Variants in HYAL3 observed in about 807,000 individuals in gnomAD.
HYAL3 encodes hyaluronidase 3, also known as hyaluronidase-3.
HYAL3 carries 25 observed loss-of-function variants against 29.6 expected under a neutral mutation model. The ratio of observed to expected loss-of-function variants is 0.85; its 90% CI spans 0.62 to 1.18. The LOEUF is 1.18. Ranked by LOEUF, HYAL3 falls within the 50% of genes most tolerant of loss-of-function variation. The pLI, the probability that HYAL3 is intolerant of heterozygous loss-of-function variation, is 0.00. For missense variants in HYAL3, 442 were observed against 548.4 expected, an observed-to-expected ratio of 0.81 and a Z score of 1.94; for synonymous variants, 215 against 218.3, an observed-to-expected ratio of 0.99 and a Z score of 0.13.
In HYAL3 at chr3:50,293,283, C is replaced by T. The variant is rs782638162; in HGVS notation, c.1217G>A (p.Cys406Tyr). 4 of 1,613,262 alleles carry T rather than the reference C, an allele frequency of 2.5e-6. No individual in the cohort carries two copies. The highest frequency in any genetic ancestry group is 3.4e-6 in the Non-Finnish European group (4 of 1,180,028). The change falls in exon 4 of 4, where the codon TGC (cysteine) becomes TAC (tyrosine). Residue 406 changes from cysteine (C) to tyrosine (Y), a missense_variant. Transcript: ENST00000336307. ...TTTAGGCCCAGGCCTGGGCTCCTGG[C>T]AGGTGGGGCCAGCCCAGCCCCAGTA... ...HCYWGWAGPT[C>Y]QEPRPGPKEA...
At chr3:50,294,238 C>T (rs1271072210) in intron 2 of HYAL3, among the ~76,000 whole-genome samples, 2 of 151,954 alleles carry the variant, frequency 1.3e-5, no homozygotes, top group Admixed American at 6.6e-5. Context: ...AAGTGAAGGC[C>T]GCAGTGAGCT....
In HYAL3 at chr3:50,295,406, T is replaced by TG; in HGVS notation, c.196dup (p.His66ProfsTer37). 1 of 1,614,172 alleles carries TG rather than the reference T, an allele frequency of 6.2e-7. No homozygotes were observed. Among genetic ancestry groups the TG allele is most frequent in the South Asian group, 1.1e-5 (1 of 91,088 alleles). The stretch of plus-strand genomic sequence containing the variant: ...GTAGAAAATGGTCATGTTCTGACCG[T>TG]GAAAATGCTGGCCACGGTTGGCTAT... On this transcript the variant is annotated frameshift_variant, in exon 2 of 4. Transcript: ENST00000336307. LOFTEE classifies it high-confidence loss of function.
Position 50,297,064 on chromosome 3 carries a change from G to A in HYAL3, c.-17-1445C>T. On this transcript the variant is annotated intron_variant, in intron 1 of 3. Coordinates refer to ENST00000336307, the MANE Select transcript of HYAL3 (RefSeq NM_003549.4). The surrounding 1 kb of genome is among the most constrained non-coding windows in gnomAD (Gnocchi z 4.3). Reference sequence around the variant, plus strand: ...ACCACTGTCTCCACTAAGAGGCTCTGGGGCTGGTTCAGCACCCGTGACAGG... The same window carrying A: ...ACCACTGTCTCCACTAAGAGGCTCTAGGGCTGGTTCAGCACCCGTGACAGG... The A allele has an allele frequency of 6.5e-7, 1 of 1,535,882 alleles. No homozygotes were observed. The highest frequency in any genetic ancestry group is 1.3e-5 in the South Asian group (1 of 78,506).
At position 50,297,185 on chromosome 3, in the gene HYAL3, G is replaced by A; in HGVS notation, c.-17-1566C>T. 1 of 1,611,978 alleles carries A rather than the reference G, an allele frequency of 6.2e-7. No homozygotes were observed. Among genetic ancestry groups the A allele is most frequent in the Non-Finnish European group, 8.5e-7 (1 of 1,178,848 alleles). ...GGAAGGCATCTGAGGACTGGCCCAG[G>A]GAGTGCAGGCGGGAGGTGCGGCTGC... On this transcript the variant is annotated intron_variant, in intron 1 of 3. Coordinates refer to ENST00000336307, the MANE Select transcript of HYAL3 (RefSeq NM_003549.4). The surrounding 1 kb of genome is among the most constrained non-coding windows in gnomAD (Gnocchi z 4.3).
At position 50,297,173 on chromosome 3, in the gene HYAL3, G is replaced by A; in HGVS notation, c.-17-1554C>T. On this transcript the variant is annotated intron_variant, in intron 1 of 3. Coordinates refer to ENST00000336307, the MANE Select transcript of HYAL3 (RefSeq NM_003549.4). This position sits in a 1 kb window ranked among gnomAD's most constrained non-coding sequence, Gnocchi z 4.3. Reference sequence around the variant, plus strand: ...TCAGGCAGAGGGGGAAGGCATCTGAGGACTGGCCCAGGGAGTGCAGGCGGG... The same window carrying A: ...TCAGGCAGAGGGGGAAGGCATCTGAAGACTGGCCCAGGGAGTGCAGGCGGG... 1 of 1,608,452 alleles carries A rather than the reference G, an allele frequency of 6.2e-7. No homozygotes were observed. Among genetic ancestry groups the A allele is most frequent in the Non-Finnish European group, 8.5e-7 (1 of 1,176,586 alleles).
Position 50,293,181 on chromosome 3 carries a change from G to T in HYAL3, c.*65C>A, listed in dbSNP as rs1553710272. ...AACTGAATAGAGCAAGAGTGGGACA[G>T]AGTAGTTCCAGGACTGGAAAAGTGG... On this transcript the variant is annotated 3_prime_UTR_variant, in exon 4 of 4. Transcript: ENST00000336307. 5 of 1,600,242 alleles carry T rather than the reference G, an allele frequency of 3.1e-6. No individual in the cohort carries two copies. In the East Asian group the frequency reaches 8.9e-5, roughly 29 times the overall value.
Position 50,293,117 on chromosome 3 carries a change from C to A in HYAL3, c.*129G>T. Reference sequence around the variant, plus strand: ...GGCCCCTTCTACCCCTCAGGGATTCCAAGGGAAGCGGGGTGTGTGCTTGGG... The same window carrying A: ...GGCCCCTTCTACCCCTCAGGGATTCAAAGGGAAGCGGGGTGTGTGCTTGGG... On this transcript the variant is annotated 3_prime_UTR_variant, in exon 4 of 4. Transcript: ENST00000336307. The A allele has an allele frequency of 6.7e-7, 1 of 1,498,744 alleles. No homozygotes were observed. Among genetic ancestry groups the A allele is most frequent in the Non-Finnish European group, 9.3e-7 (1 of 1,080,562 alleles). The allele number at this position is 1,498,744 out of a possible 1,614,324, so 92.8% of individuals were successfully genotyped here. A position where few individuals can be genotyped will look rare whatever the true frequency, so the allele number is the denominator to read the frequency against.
rs782689978 is a variant in HYAL3, at chr3:50,297,301, G to C, written c.-17-1682C>G. 3 of 1,605,138 alleles carry C rather than the reference G, an allele frequency of 1.9e-6. No homozygotes were observed. Among genetic ancestry groups the C allele is most frequent in the East Asian group, 4.5e-5 (2 of 44,702 alleles). On this transcript the variant is annotated intron_variant, in intron 1 of 3. Coordinates refer to ENST00000336307, the MANE Select transcript of HYAL3 (RefSeq NM_003549.4). This position sits in a 1 kb window ranked among gnomAD's most constrained non-coding sequence, Gnocchi z 4.3. ...TCCAGGGTCAACTCAGCCAGGCTAG[G>C]AGCTGGGGTCTCCTCTGGCTGGTGT...
In HYAL3 at chr3:50,294,759, G is replaced by C; in HGVS notation, c.844C>G (p.Leu282Val). Reference sequence around the variant, plus strand: ...CGGTGTGTGAGGCGGACATAGGCCAGGACAGGCAGGGGATGTCGGTGCCCA... The same window carrying C: ...CGGTGTGTGAGGCGGACATAGGCCACGACAGGCAGGGGATGTCGGTGCCCA... ...LVGHRHPLPV[L>V]AYVRLTHRRS... is the part of the protein sequence containing the mutation. Residue 282 changes from leucine (L) to valine (V), a missense_variant, in exon 2 of 4, where the codon CTG becomes GTG. Coordinates refer to ENST00000336307, the MANE Select transcript of HYAL3 (RefSeq NM_003549.4). 6.6e-7 allele frequency: 1 copy of C among 1,513,166 alleles called. No homozygotes were observed. The highest frequency in any genetic ancestry group is 2.3e-5 in the East Asian group (1 of 43,872). The allele number at this position is 1,513,166 out of a possible 1,614,324, so 93.7% of individuals were successfully genotyped here. A position where few individuals can be genotyped will look rare whatever the true frequency, so the allele number is the denominator to read the frequency against.
intron 2 of HYAL3, among the ~76,000 whole-genome samples, 186 bp downstream of exon 2, chr3:50,294,523 G>C (rs1360692993): frequency 6.6e-6 from 1 of 152,112 alleles, no homozygotes; most frequent in Admixed American, 6.5e-5. Flanking sequence ...CAAAGGCTGG[G>C]CCTCCCTACC....
chr3:50,292,996 T>C lies in HYAL3; in HGVS notation c.*250A>G. On this transcript the variant is annotated 3_prime_UTR_variant, in exon 4 of 4. Coordinates refer to ENST00000336307, the MANE Select transcript of HYAL3 (RefSeq NM_003549.4). ...GCACAAAGCCCTAGGCTGGCAGCCC[T>C]AACTAGCTGGAACCTGACTCTCCCT... 1.3e-6 allele frequency: 2 copies of C among 1,545,912 alleles called. No homozygotes were observed. Among genetic ancestry groups the C allele is most frequent in the Non-Finnish European group, 1.8e-6 (2 of 1,141,680 alleles).
At chr3:50,296,435 G>A (rs1219765157) in intron 1 of HYAL3, 4 of 716,828 alleles carry the variant, frequency 5.6e-6, no homozygotes, top group African/African-American at 5.4e-5. Flanking sequence ...CCACACTGAC[G>A]GCTCTGAGCC....
At chr3:50,293,970 C>T (rs1701753235) in intron 2 of HYAL3, among the ~76,000 whole-genome samples, 1 of 152,122 alleles carries the variant, frequency 6.6e-6, no homozygotes, top group Non-Finnish European at 1.5e-5. Context: ...CCTCAGCCTC[C>T]CAAGCAGCTG....
chr3:50,297,466 G>C lies in HYAL3; in HGVS notation c.-18+1747C>G, dbSNP rs200040326. 9 of 1,595,434 alleles carry C rather than the reference G, an allele frequency of 5.6e-6. No individual in the cohort carries two copies. The highest frequency in any genetic ancestry group is 1.1e-5 in the South Asian group (1 of 87,926). ...CTGGTACTCAGGATCAGCTCCATCC[G>C]GTGTGTAGGGTCTAGTGTAGGGGTC... On this transcript the variant is annotated intron_variant, in intron 1 of 3. Coordinates refer to ENST00000336307, the MANE Select transcript of HYAL3 (RefSeq NM_003549.4). This position sits in a 1 kb window ranked among gnomAD's most constrained non-coding sequence, Gnocchi z 4.3.
chr3:50,295,868 C>A, intron 1 of HYAL3: 2 of 494,820 alleles, frequency 4.0e-6, no homozygotes, highest in East Asian at 6.0e-5. Flanking sequence ...GGGTACATTC[C>A]CTCCCATGTT....
Position 50,293,000 on chromosome 3 carries a change from T to C in HYAL3, c.*246A>G. On this transcript the variant is annotated 3_prime_UTR_variant, in exon 4 of 4. Coordinates refer to ENST00000336307, the MANE Select transcript of HYAL3 (RefSeq NM_003549.4). ...AAAGCCCTAGGCTGGCAGCCCTAAC[T>C]AGCTGGAACCTGACTCTCCCTGGAA... 1 of 1,537,428 alleles carries C rather than the reference T, an allele frequency of 6.5e-7. No homozygotes were observed. Among genetic ancestry groups the C allele is most frequent in the African/African-American group, 1.4e-5 (1 of 73,876 alleles).
At position 50,297,762 on chromosome 3, in the gene HYAL3, T is replaced by TA; in HGVS notation, c.-18+1450dup. 1 of 1,271,260 alleles carries TA rather than the reference T, an allele frequency of 7.9e-7. No individual in the cohort carries two copies. Among genetic ancestry groups the TA allele is most frequent in the Non-Finnish European group, 9.9e-7 (1 of 1,009,948 alleles). The allele number at this position is 1,271,260 out of a possible 1,614,324, so 78.7% of individuals were successfully genotyped here. On this transcript the variant is annotated intron_variant, in intron 1 of 3. Coordinates refer to ENST00000336307, the MANE Select transcript of HYAL3 (RefSeq NM_003549.4). This position sits in a 1 kb window ranked among gnomAD's most constrained non-coding sequence, Gnocchi z 4.3. The stretch of plus-strand genomic sequence containing the variant: ...GACAGAGTGCAGGGGGGACCATGCA[T>TA]ACTGGAACTGGGGAGTGGTGGGCTG...
intron 1 of HYAL3, chr3:50,298,122 C>G: frequency 1.0e-6 from 1 of 983,928 alleles, no homozygotes; most frequent in Non-Finnish European, 1.2e-6. Flanking sequence ...AGACACTATA[C>G]CCCCTGCTCA....
At position 50,294,843 on chromosome 3, in the gene HYAL3, C is replaced by A; in HGVS notation, c.760G>T (p.Ala254Ser). 3.3e-6 allele frequency: 5 copies of A among 1,537,728 alleles called. No individual in the cohort carries two copies. The highest frequency in any genetic ancestry group is 1.2e-5 in the South Asian group (1 of 80,646). Residue 254 changes from alanine to serine, a missense_variant, in exon 2 of 4, where the codon GCC (alanine) becomes TCC (serine). Coordinates refer to ENST00000336307, the MANE Select transcript of HYAL3 (RefSeq NM_003549.4). ...TGTCGGACAAAGGCCTGGTGGTGGG[C>A]AGGTGGCAGCCTGGGTGGGAGGTAG... The part of the protein sequence containing the change: ...SIYLPPRLPP[A>S]HHQAFVRHRL...
Sources: gnomAD v4.1 joint callset for allele counts (sites outside exome capture counted in the v4.1 genomes callset) on GRCh38, gnomAD v4.1.1 for gene constraint, Gnocchi (gnomAD v3.1) non-coding constraint, MANE v1.5 for transcripts, NCBI Gene and HGNC (gene_info 2026-07-23, HGNC 2026-07-21) for gene names.